Variants in SLC35F3 observed in about 807,000 individuals in gnomAD.
SLC35F3 encodes the protein solute carrier family 35 member F3, also known as putative thiamine transporter SLC35F3.
SLC35F3 carries 25 observed loss-of-function variants against 49.9 expected under a neutral mutation model. The observed-to-expected ratio is 0.50, with a 90% CI of 0.37 to 0.70. SLC35F3 has a LOEUF of 0.70. Ranked by LOEUF, SLC35F3 falls within the 30% of genes least tolerant of loss-of-function variation. The pLI, the probability that SLC35F3 is intolerant of heterozygous loss-of-function variation, is 0.00. For synonymous variants in SLC35F3, 275 were observed against 265.4 expected (o/e 1.04, Z -0.35); for missense variants, 525 against 639.8 (o/e 0.82, Z 1.94).
intron 2 of SLC35F3, among the ~76,000 whole-genome samples, chr1:234,056,831 A>T (rs987406954): frequency 1.8e-4 from 27 of 152,130 alleles, no homozygotes; most frequent in African/African-American, 6.3e-4. Flanking sequence ...TTTTGAGTTA[A>T]TTTTTGTGTA....
At chr1:234,068,159 C>G (rs1164464569) in intron 2 of SLC35F3, among the ~76,000 whole-genome samples, 1 of 152,198 alleles carries the variant, frequency 6.6e-6, no homozygotes, top group African/African-American at 2.4e-5. Flanking sequence ...TTAGGAGCCT[C>G]TGCCAACCGA....
intron 2 of SLC35F3, among the ~76,000 whole-genome samples, chr1:233,979,041 AAAAAAAAAAAAACAAAAAGCAAAAC>A (rs1486276478): frequency 7.0e-6 from 1 of 141,932 alleles, no homozygotes; most frequent in African/African-American, 2.7e-5. Flanking sequence ...GTTTCCAATT[AAAAAAAAAAAAACAAAAAGCAAAAC>A]AAAACAAAAA....
At chr1:234,248,622 A>AT (rs1334635467) in intron 3 of SLC35F3, among the ~76,000 whole-genome samples, 13 of 152,166 alleles carry the variant, frequency 8.5e-5, no homozygotes, top group African/African-American at 3.1e-4. Context: ...AAAACATCAC[A>AT]TAAAGAAATG....
intron 3 of SLC35F3, among the ~76,000 whole-genome samples, chr1:234,260,863 G>A (rs1044056187): frequency 5.3e-5 from 8 of 152,108 alleles, no homozygotes; most frequent in African/African-American, 1.4e-4. Flanking sequence ...TTTACTGCAC[G>A]GACTTCCTGT....
chr1:234,313,217 C>A (rs1657402918), intron 4 of SLC35F3, among the ~76,000 whole-genome samples: 1 of 152,108 alleles, frequency 6.6e-6, no homozygotes, highest in Admixed American at 6.5e-5. Context: ...GAGCCCTAGT[C>A]TCAACAGTGA....
chr1:233,977,391 T>G (rs1451656342), intron 2 of SLC35F3, among the ~76,000 whole-genome samples: 2 of 152,222 alleles, frequency 1.3e-5, no homozygotes, highest in Non-Finnish European at 2.9e-5. Flanking sequence ...GCCTTTGTAG[T>G]CACAGCTCTC....
At chr1:234,260,565 G>A (rs186957835) in intron 3 of SLC35F3, among the ~76,000 whole-genome samples, 1 of 152,222 alleles carries the variant, frequency 6.6e-6, no homozygotes, top group Admixed American at 6.5e-5. Flanking sequence ...AGTTTTGAAC[G>A]GTAAGACTAG....
chr1:234,119,474 C>T (rs1665541408), intron 2 of SLC35F3, among the ~76,000 whole-genome samples: 1 of 152,118 alleles, frequency 6.6e-6, no homozygotes, highest in Non-Finnish European at 1.5e-5. Flanking sequence ...CATGATGGGT[C>T]CGCCGTTGGA....
chr1:234,107,218 C>T (rs186562244), intron 2 of SLC35F3, among the ~76,000 whole-genome samples: 135 of 152,264 alleles, frequency 8.9e-4, no homozygotes, highest in African/African-American at 2.9e-3. Context: ...CCACCCTGGG[C>T]TTGTTCTTAT....
chr1:233,912,670 T>A (rs562627333), intron 2 of SLC35F3, among the ~76,000 whole-genome samples: 2 of 152,180 alleles, frequency 1.3e-5, no homozygotes, highest in South Asian at 4.1e-4. Context: ...TCTTATATAG[T>A]AGTGAGCAGG....
intron 2 of SLC35F3, among the ~76,000 whole-genome samples, chr1:234,140,674 C>T (rs1016977222): frequency 2.6e-5 from 4 of 152,130 alleles, no homozygotes; most frequent in African/African-American, 9.7e-5. Flanking sequence ...CAGGGGGATG[C>T]TCATAATAAA....
At chr1:234,248,912 G>A (rs12024374) in intron 3 of SLC35F3, among the ~76,000 whole-genome samples, 15,277 of 152,216 alleles carry the variant, frequency 0.1, 1,846 homozygotes, top group East Asian at 0.67. Flanking sequence ...CAGCCACCAG[G>A]GAAACCTTCA....
chr1:234,166,017 A>C (rs1168500457), intron 2 of SLC35F3, among the ~76,000 whole-genome samples: 1 of 152,218 alleles, frequency 6.6e-6, no homozygotes, highest in Non-Finnish European at 1.5e-5. Context: ...AAGTTGATGC[A>C]AAAAATATTA....
chr1:234,240,163 G>A (rs1462595977), intron 3 of SLC35F3, among the ~76,000 whole-genome samples: 2 of 152,194 alleles, frequency 1.3e-5, no homozygotes, highest in East Asian at 3.8e-4. Context: ...TAATGATTAT[G>A]AGGTCATAAA....
Position 233,937,013 on chromosome 1 carries a change from T to C in SLC35F3, c.283+31255T>C, listed in dbSNP as rs576752975. Among the ~76,000 whole-genome samples, 5 of 152,308 alleles carry C rather than the reference T, an allele frequency of 3.3e-5. No individual in the cohort carries two copies. The South Asian group carries it at 1.0e-3, about 32-fold the overall frequency. On this transcript the variant is annotated intron_variant, in intron 2 of 7. Coordinates refer to ENST00000366618, the MANE Select transcript of SLC35F3 (RefSeq NM_173508.4). The stretch of plus-strand genomic sequence containing the variant: ...GCCACCTCTGTCTTCTTACAGGCTC[T>C]GACATTTTGTGATAACAAGACTTGC...
chr1:234,069,593 C>T (rs1462921277), intron 2 of SLC35F3, among the ~76,000 whole-genome samples: 3 of 152,134 alleles, frequency 2.0e-5, no homozygotes, highest in Non-Finnish European at 4.4e-5. Context: ...GTCTGCAGTG[C>T]TAAGAGCCAA....
At chr1:234,167,247 A>G (rs1021434194) in intron 2 of SLC35F3, among the ~76,000 whole-genome samples, 2 of 152,118 alleles carry the variant, frequency 1.3e-5, no homozygotes, top group Non-Finnish European at 2.9e-5. Context: ...CCACCTTTCT[A>G]TGTCACCATG....
chr1:234,177,986 C>T (rs1666501141), intron 2 of SLC35F3, among the ~76,000 whole-genome samples: 1 of 152,196 alleles, frequency 6.6e-6, no homozygotes, highest in South Asian at 2.1e-4. Flanking sequence ...TTTATAATCA[C>T]TTGAGCGCAT....
chr1:234,319,188 C>G (rs1657558578), intron 6 of SLC35F3, among the ~76,000 whole-genome samples: 1 of 152,212 alleles, frequency 6.6e-6, no homozygotes, highest in South Asian at 2.1e-4. Context: ...ACTAATACCC[C>G]AGGGTGTTGC....
Sources: allele counts gnomAD v4.1 joint callset (sites outside exome capture counted in the v4.1 genomes callset), GRCh38; gene constraint gnomAD v4.1.1; transcripts MANE v1.5; gene names NCBI Gene and HGNC (gene_info 2026-07-23, HGNC 2026-07-21).